Variants in L2HGDH observed in about 807,000 individuals in gnomAD.
L2HGDH encodes the protein L-2-hydroxyglutarate dehydrogenase, mitochondrial.
A neutral mutation model predicts 51.5 loss-of-function variants in L2HGDH; 34 were observed. That is an observed-to-expected ratio of 0.66 (90% CI 0.50 to 0.88). The LOEUF (loss-of-function observed/expected upper bound fraction) is 0.88, where lower values mean the gene tolerates loss of function less well. Ranked by LOEUF, L2HGDH falls within the 40% of genes least tolerant of loss-of-function variation. The probability of loss-of-function intolerance (pLI) is 0.00; values close to 1 mark genes in which losing one functional copy is unlikely to be tolerated. For missense variants in L2HGDH, 558 were observed against 571.9 expected (o/e 0.98, Z 0.25); for synonymous variants, 198 against 197.9 (o/e 1.00, Z -0.01).
At chr14:50,248,501 A>G (rs743076) in intron 9 of L2HGDH, among the ~76,000 whole-genome samples, 34,790 of 152,116 alleles carry the variant, frequency 0.23, 4,230 homozygotes, top group East Asian at 0.45. Flanking sequence ...AACTCTTAAG[A>G]GGCTGACACA....
intron 9 of L2HGDH, among the ~76,000 whole-genome samples, chr14:50,254,327 A>G (rs1452532085): frequency 6.6e-6 from 1 of 152,010 alleles, no homozygotes; most frequent in Non-Finnish European, 1.5e-5. Context: ...CCTACTAGGC[A>G]CCCATAAAAA....
In L2HGDH at chr14:50,243,012, C is replaced by T. The variant is rs974483361; in HGVS notation, c.*4046G>A. 1 of 985,404 alleles carries T rather than the reference C, an allele frequency of 1.0e-6. No homozygotes were observed. The highest frequency in any genetic ancestry group is 1.7e-5 in the African/African-American group (1 of 57,356). 61.0% of individuals were successfully genotyped at this position (985,404 alleles called of 1,614,324 possible). A position where few individuals can be genotyped will look rare whatever the true frequency, so the allele number is the denominator to read the frequency against. On this transcript the variant is annotated 3_prime_UTR_variant, in exon 10 of 10. Coordinates refer to ENST00000267436, the MANE Select transcript of L2HGDH (RefSeq NM_024884.3). Reference sequence around the variant, plus strand: ...CGTAGGCCAGGGCCTGGCAGTATACCCCATTCTCACCACCATCCTTTGAAG... The same window carrying T: ...CGTAGGCCAGGGCCTGGCAGTATACTCCATTCTCACCACCATCCTTTGAAG...
At chr14:50,293,280 A>T (rs191846355) in intron 4 of L2HGDH, 2 of 702,152 alleles carry the variant, frequency 2.8e-6, no homozygotes, top group African/African-American at 1.7e-5. Flanking sequence ...ACACAACTGG[A>T]TATCTGTTTG....
chr14:50,281,454 G>A (rs1161174740), intron 5 of L2HGDH, among the ~76,000 whole-genome samples: 1 of 151,876 alleles, frequency 6.6e-6, no homozygotes, highest in African/African-American at 2.4e-5. Context: ...TAGCCAGATG[G>A]GGTGGCACAT....
intron 4 of L2HGDH, among the ~76,000 whole-genome samples, chr14:50,292,780 G>C (rs1890952337): frequency 6.6e-6 from 1 of 152,116 alleles, no homozygotes; most frequent in Non-Finnish European, 1.5e-5. Context: ...AGCTACTAGA[G>C]AGGCCGAGGC....
intron 1 of L2HGDH, 128 bp from the exon 2 acceptor site, chr14:50,303,145 C>T (rs989407637): frequency 3.0e-5 from 20 of 664,338 alleles, no homozygotes; most frequent in East Asian, 1.8e-4. Flanking sequence ...ATTCGGCGGC[C>T]GGTCGCAGTG....
chr14:50,249,318 G>T (rs1888198405), intron 9 of L2HGDH, among the ~76,000 whole-genome samples: 1 of 152,196 alleles, frequency 6.6e-6, no homozygotes, highest in Admixed American at 6.5e-5. Context: ...GATCTAGGGA[G>T]ATACCAGCCG....
rs575009708 is a variant in L2HGDH at position 50,269,148 on chromosome 14, A to C, written c.906+15T>G. 2 of 1,611,896 alleles carry C rather than the reference A, an allele frequency of 1.2e-6. No homozygotes were observed. The highest frequency in any genetic ancestry group is 1.1e-5 in the South Asian group (1 of 91,012). ...TGCTTGAAAAAAATGAGAAGTAGGAAGCATCATTACCTACCGGATAAATAT... is the reference window on the plus strand; with the variant it reads ...TGCTTGAAAAAAATGAGAAGTAGGACGCATCATTACCTACCGGATAAATAT... On this transcript the variant is annotated intron_variant, in intron 7 of 9. Transcript: ENST00000267436.
Position 50,267,867 on chromosome 14 carries a change from G to A in L2HGDH, c.950C>T (p.Pro317Leu). The A allele has an allele frequency of 6.2e-7, 1 of 1,613,984 alleles. No individual in the cohort carries two copies. The highest frequency in any genetic ancestry group is 8.5e-7 in the Non-Finnish European group (1 of 1,179,872). The change falls in exon 8 of 10, where the codon CCA becomes CTA. Residue 317 changes from proline to leucine, a missense_variant. This residue lies in a region of L2HGDH where 321 missense variants were observed against 311.8 expected (regional missense o/e 1.03). Transcript: ENST00000267436. ...TAGCCAAATACTGCCATCCATCCTT[G>A]GTGTGAAGTGAACTCCTAGGAAAGG... is the stretch of plus-strand genomic sequence containing the variant. ...RFPFLGVHFT[P>L]RMDGSIWLGP...
Position 50,245,610 on chromosome 14 carries a change from C to G in L2HGDH, c.*1448G>C, listed in dbSNP as rs998097576. On this transcript the variant is annotated 3_prime_UTR_variant, in exon 10 of 10. Transcript: ENST00000267436. Reference sequence around the variant, plus strand: ...ATTTCCAAATACAAATATTGTTGCTCTAAATAATGTGAGTTTTGTGACTCT... The same window carrying G: ...ATTTCCAAATACAAATATTGTTGCTGTAAATAATGTGAGTTTTGTGACTCT... 4.1e-5 allele frequency: 40 copies of G among 972,550 alleles called. No individual in the cohort carries two copies. Among genetic ancestry groups the G allele is most frequent in the Non-Finnish European group, 4.4e-5 (36 of 818,476 alleles). The allele number at this position is 972,550 out of a possible 1,614,324, so 60.2% of individuals were successfully genotyped here.
intron 6 of L2HGDH, 89 bp from the exon 7 acceptor site, chr14:50,269,419 G>A: frequency 7.8e-7 from 1 of 1,285,720 alleles, no homozygotes; most frequent in Non-Finnish European, 1.1e-6. Flanking sequence ...AGAAAAAAAG[G>A]TACAGAAATA....
At chr14:50,265,009 G>A (rs1030070235) in intron 9 of L2HGDH, among the ~76,000 whole-genome samples, 3 of 152,140 alleles carry the variant, frequency 2.0e-5, no homozygotes, top group Non-Finnish European at 4.4e-5. Context: ...AAGACTAACT[G>A]GCCAGAGAGA....
In L2HGDH at chr14:50,298,063, G is replaced by A. The variant is rs1431073680; in HGVS notation, c.409-3817C>T. Among the ~76,000 whole-genome samples the A allele has an allele frequency of 2.0e-5, 3 of 152,006 alleles. No individual in the cohort carries two copies. The East Asian group carries it at 5.8e-4, about 30-fold the overall frequency. On this transcript the variant is annotated intron_variant, in intron 3 of 9. Coordinates refer to ENST00000267436, the MANE Select transcript of L2HGDH (RefSeq NM_024884.3). ...GTTTAAGACCAGCCTAGTTAACATAGTGAAACCACATCTCTACTAAAAATA... is the reference window on the plus strand; with the variant it reads ...GTTTAAGACCAGCCTAGTTAACATAATGAAACCACATCTCTACTAAAAATA...
chr14:50,300,064 T>TGGCAGGGA (rs1218765241), intron 3 of L2HGDH: 1 of 152,034 alleles, frequency 6.6e-6, no homozygotes, highest in African/African-American at 2.4e-5. Context: ...GGGCTGAGGG[T>TGGCAGGGA]GGCAGGGAGG....
chr14:50,297,109 A>G (rs1336841177), intron 3 of L2HGDH, among the ~76,000 whole-genome samples: 1 of 152,182 alleles, frequency 6.6e-6, no homozygotes, highest in Admixed American at 6.5e-5. Context: ...AATAGAAAGG[A>G]ACTTCCTTAA....
intron 1 of L2HGDH, 29 bp from the exon 2 acceptor site, chr14:50,303,046 T>C (rs1224390146): frequency 3.5e-6 from 5 of 1,416,542 alleles, no homozygotes; most frequent in South Asian, 2.3e-5. Flanking sequence ...TTTAAAGTAA[T>C]TCATATTTAC....
chr14:50,267,919 T>A lies in L2HGDH; in HGVS notation c.907-9A>T. On this transcript the variant is annotated splice_polypyrimidine_tract_variant and intron_variant, in intron 7 of 9. Transcript: ENST00000267436. ...AACCGGCTATCTGGGACCTATAAAT[T>A]TAACATAGTAAATAACAGCCTCATT... 1 of 1,613,216 alleles carries A rather than the reference T, an allele frequency of 6.2e-7. No individual in the cohort carries two copies. The highest frequency in any genetic ancestry group is 8.5e-7 in the Non-Finnish European group (1 of 1,179,186).
At chr14:50,248,660 G>C (rs1437591185) in intron 9 of L2HGDH, among the ~76,000 whole-genome samples, 1 of 152,184 alleles carries the variant, frequency 6.6e-6, no homozygotes, top group Non-Finnish European at 1.5e-5. Context: ...CTTCCCTATA[G>C]AATCCTGCAG....
At chr14:50,253,407 C>T (rs552033479) in intron 9 of L2HGDH, among the ~76,000 whole-genome samples, 1 of 152,150 alleles carries the variant, frequency 6.6e-6, no homozygotes, top group East Asian at 1.9e-4. Flanking sequence ...AGAAGACATA[C>T]CAATGGCAAA....
Sources: allele counts gnomAD v4.1 joint callset (sites outside exome capture counted in the v4.1 genomes callset), GRCh38; gene constraint gnomAD v4.1.1; regional missense constraint gnomAD v4.1.1; transcripts MANE v1.5; gene names NCBI Gene and HGNC (gene_info 2026-07-23, HGNC 2026-07-21).